The following CRPPA variants were observed in gnomAD, a reference collection of about 807,000 sequenced individuals.
CRPPA encodes CDP-L-ribitol pyrophosphorylase A, also known as D-ribitol-5-phosphate cytidylyltransferase.
A neutral mutation model predicts 52.0 loss-of-function variants in CRPPA; 43 were observed. That is an observed-to-expected ratio of 0.83 (90% confidence interval 0.65 to 1.07). The LOEUF is 1.07. CRPPA is among the 50% of genes least tolerant of loss of function. CRPPA has a pLI of 0.00. For synonymous variants in CRPPA, 250 were observed against 203.5 expected (o/e 1.23, Z -1.94); for missense variants, 629 against 551.7 (o/e 1.14, Z -1.40).
At chr7:16,399,027 A>T (rs1229507980) in intron 2 of CRPPA, among the ~76,000 whole-genome samples, 1 of 152,234 alleles carries the variant, frequency 6.6e-6, no homozygotes, top group East Asian at 1.9e-4. Context: ...CATGTGACCA[A>T]CACGTTTAGG....
At chr7:16,396,044 C>A (rs750060651) in intron 2 of CRPPA, among the ~76,000 whole-genome samples, 3 of 152,150 alleles carry the variant, frequency 2.0e-5, no homozygotes, top group Non-Finnish European at 1.5e-5. Flanking sequence ...GGTTTCCTTA[C>A]GAACCAGAAC....
chr7:16,170,713 G>A lies in CRPPA; in HGVS notation c.1251+45353C>T, dbSNP rs890158571. Among the ~76,000 whole-genome samples the A allele has an allele frequency of 4.6e-5, 7 of 152,312 alleles. No homozygotes were observed. The South Asian group carries it at 8.3e-4, about 18-fold the overall frequency. ...ATGGGCATGGTGGGCTGCAGGTCCC[G>A]AGCCCTGCCCTGCAGGGAGGCAGCT... On this transcript the variant is annotated intron_variant, in intron 9 of 9. Transcript: ENST00000407010.
chr7:16,320,096 C>G (rs1785226684), intron 3 of CRPPA, among the ~76,000 whole-genome samples: 1 of 152,138 alleles, frequency 6.6e-6, no homozygotes, highest in African/African-American at 2.4e-5. Context: ...GTCATTGTCA[C>G]CTCTCCTATT....
intron 9 of CRPPA, among the ~76,000 whole-genome samples, chr7:16,121,197 T>C (rs1003368888): frequency 2.0e-5 from 3 of 152,070 alleles, no homozygotes; most frequent in Admixed American, 6.6e-5. Context: ...AGAAATATAC[T>C]TATCTGAGAA....
chr7:16,206,412 G>A (rs1419137147), intron 9 of CRPPA, among the ~76,000 whole-genome samples: 1 of 151,790 alleles, frequency 6.6e-6, no homozygotes, highest in Non-Finnish European at 1.5e-5. Context: ...AGTATTTGTG[G>A]TAAACAAAAA....
intron 9 of CRPPA, among the ~76,000 whole-genome samples, chr7:16,098,034 A>G (rs1285752095): frequency 6.6e-6 from 1 of 152,238 alleles, no homozygotes; most frequent in Non-Finnish European, 1.5e-5. Context: ...GCTTTTTTAA[A>G]AAGTATATTT....
chr7:16,369,331 G>A (rs1359618388), intron 3 of CRPPA, among the ~76,000 whole-genome samples: 1 of 152,222 alleles, frequency 6.6e-6, no homozygotes, highest in African/African-American at 2.4e-5. Flanking sequence ...ACAGGGCAGG[G>A]AGTTTCACAA....
intron 2 of CRPPA, among the ~76,000 whole-genome samples, chr7:16,377,310 T>C (rs1786917492): frequency 6.6e-6 from 1 of 151,868 alleles, no homozygotes; most frequent in Non-Finnish European, 1.5e-5. Flanking sequence ...TCCAAATAGG[T>C]GAAGGGTAGG....
intron 9 of CRPPA, among the ~76,000 whole-genome samples, chr7:16,115,878 G>A (rs1232277063): frequency 6.6e-6 from 1 of 152,224 alleles, no homozygotes; most frequent in East Asian, 1.9e-4. Flanking sequence ...TAGATAGATA[G>A]AAAGGGAAAA....
intron 3 of CRPPA, among the ~76,000 whole-genome samples, chr7:16,326,835 C>A (rs1296772309): frequency 6.6e-6 from 1 of 152,076 alleles, no homozygotes; most frequent in Non-Finnish European, 1.5e-5. Flanking sequence ...ACTTCCTTCC[C>A]TGATATAATT....
At position 16,091,575 on chromosome 7, in the gene CRPPA, A is replaced by G; in HGVS notation, c.*120T>C. Reference sequence around the variant, plus strand: ...TATAATCTAAGCATCACATCCTACAAATTATAGAGAAGATATAAAAGACAA... The same window carrying G: ...TATAATCTAAGCATCACATCCTACAGATTATAGAGAAGATATAAAAGACAA... On this transcript the variant is annotated 3_prime_UTR_variant, in exon 10 of 10. Transcript: ENST00000407010. 4.9e-6 allele frequency: 3 copies of G among 614,568 alleles called. No homozygotes were observed. Among genetic ancestry groups the G allele is most frequent in the Non-Finnish European group, 8.5e-6 (3 of 352,654 alleles). 38.1% of individuals were successfully genotyped at this position (614,568 alleles called of 1,614,324 possible).
At chr7:16,198,698 G>A (rs1359282131) in intron 9 of CRPPA, among the ~76,000 whole-genome samples, 13 of 149,082 alleles carry the variant, frequency 8.7e-5, no homozygotes, top group East Asian at 2.3e-4. Context: ...CAGGATGACC[G>A]GTATGCACTC....
intron 9 of CRPPA, among the ~76,000 whole-genome samples, chr7:16,187,824 C>T (rs1188230696): frequency 2.0e-5 from 3 of 151,922 alleles, no homozygotes; most frequent in African/African-American, 7.3e-5. Context: ...AGGCAAATCT[C>T]CCTTACTGAA....
intron 8 of CRPPA, among the ~76,000 whole-genome samples, chr7:16,245,393 A>T (rs1220022202): frequency 6.6e-6 from 1 of 152,224 alleles, no homozygotes; most frequent in Non-Finnish European, 1.5e-5. Flanking sequence ...GAAAACTGAA[A>T]TTGCTTTCTG....
At chr7:16,360,653 C>T (rs185057410) in intron 3 of CRPPA, among the ~76,000 whole-genome samples, 3 of 152,132 alleles carry the variant, frequency 2.0e-5, no homozygotes, top group African/African-American at 4.8e-5. Context: ...CAAATGGTGC[C>T]GGGAAAACTG....
At chr7:16,319,689 T>C (rs1583516094) in intron 3 of CRPPA, among the ~76,000 whole-genome samples, 1 of 152,064 alleles carries the variant, frequency 6.6e-6, no homozygotes, top group Non-Finnish European at 1.5e-5. Context: ...GCTGGCTGAG[T>C]GGGAGAAGCA....
At chr7:16,389,913 C>CAAAAAAAAAAAAAAAAAAAAAA (rs1163092089) in intron 2 of CRPPA, among the ~76,000 whole-genome samples, 12 of 34,310 alleles carry the variant, frequency 3.5e-4, no homozygotes, top group East Asian at 2.6e-3. Flanking sequence ...GCCTAGTATA[C>CAAAAAAAAAAAAAAAAAAAAAA]AAAAAAAAAA....
At chr7:16,392,193 C>T (rs1261782957) in intron 2 of CRPPA, among the ~76,000 whole-genome samples, 1 of 152,052 alleles carries the variant, frequency 6.6e-6, no homozygotes, top group Non-Finnish European at 1.5e-5. Context: ...AGGAAAGCCC[C>T]CACATGTCAA....
At chr7:16,271,146 G>A (rs969861883) in intron 6 of CRPPA, among the ~76,000 whole-genome samples, 1 of 152,158 alleles carries the variant, frequency 6.6e-6, no homozygotes, top group African/African-American at 2.4e-5. Context: ...AAACAGGAAG[G>A]AGTGGATAAC....
Sources: allele counts gnomAD v4.1 joint callset (sites outside exome capture counted in the v4.1 genomes callset), GRCh38; gene constraint gnomAD v4.1.1; transcripts MANE v1.5; gene names NCBI Gene and HGNC (gene_info 2026-07-23, HGNC 2026-07-21).